TMEM131: variants seen among roughly 807,000 people sequenced by gnomAD.
The protein encoded by TMEM131 is transmembrane protein 131.
Under a neutral mutation model 211.6 loss-of-function variants are expected in TMEM131, and 66 were observed. The observed-to-expected ratio is 0.31, with a 90% CI of 0.26 to 0.38. The LOEUF is 0.38. Among genes scored for constraint, TMEM131 ranks in the 10% least tolerant of loss-of-function variants. TMEM131 has a pLI of 1.00. For synonymous variants in TMEM131, 844 were observed against 841.3 expected (o/e 1.00, Z -0.06); for missense variants, 2,036 against 2,299.3 (o/e 0.89, Z 2.34).
In TMEM131 at chr2:97,796,375, A is replaced by G. The variant is rs201021648; in HGVS notation, c.3043T>C (p.Leu1015=). The part of the protein sequence containing the change: ...SLKLREPNFT[L]KRTFKVENTG... ...TTCTCTACCTTAAATGTTCTTTTCAATGTGAAATTTGGTTCTCTTAGTTTT... is the reference window on the plus strand; with the variant it reads ...TTCTCTACCTTAAATGTTCTTTTCAGTGTGAAATTTGGTTCTCTTAGTTTT... The change falls in exon 28 of 41, where the codon TTG becomes CTG. Residue 1015 remains leucine, a synonymous_variant. Coordinates refer to ENST00000186436, the MANE Select transcript of TMEM131 (RefSeq NM_015348.2). The G allele has an allele frequency of 3.1e-5, 48 of 1,531,320 alleles. No individual in the cohort carries two copies. In the South Asian group the frequency reaches 4.5e-4, roughly 14 times the overall value. 94.9% of individuals were successfully genotyped at this position (1,531,320 alleles called of 1,614,324 possible).
chr2:97,813,708 T>C (rs1681675898), intron 15 of TMEM131, among the ~76,000 whole-genome samples: 1 of 152,206 alleles, frequency 6.6e-6, no homozygotes, highest in African/African-American at 2.4e-5. Flanking sequence ...TACAATAGTT[T>C]AAAAGCATAT....
At chr2:97,946,856 G>A (rs1370105662) in intron 1 of TMEM131, among the ~76,000 whole-genome samples, 1 of 151,410 alleles carries the variant, frequency 6.6e-6, no homozygotes, top group Non-Finnish European at 1.5e-5. Context: ...ATCCATTAAT[G>A]TATAAAAAAG....
chr2:97,887,167 T>G (rs1256743889), intron 4 of TMEM131, among the ~76,000 whole-genome samples: 24 of 152,230 alleles, frequency 1.6e-4, no homozygotes, highest in Non-Finnish European at 1.5e-5. Flanking sequence ...AAGACACAGT[T>G]GCAAGTCTGC....
chr2:97,831,737 T>C (rs1392870746), intron 11 of TMEM131, among the ~76,000 whole-genome samples: 1 of 142,766 alleles, frequency 7.0e-6, no homozygotes. Flanking sequence ...CGGCGTGATC[T>C]TGGCTCACTG....
chr2:97,948,727 G>A (rs755595232), intron 1 of TMEM131, among the ~76,000 whole-genome samples: 35 of 151,398 alleles, frequency 2.3e-4, no homozygotes, highest in Non-Finnish European at 4.4e-4. Flanking sequence ...GTGTGATCTC[G>A]GCTCACTGCA....
chr2:97,812,578 G>A (rs954695802), intron 16 of TMEM131, 23 bp from the exon 17 acceptor site: 1 of 1,596,006 alleles, frequency 6.3e-7, no homozygotes, highest in Non-Finnish European at 8.5e-7. Flanking sequence ...ATATGAAAAT[G>A]ATTATCACAA....
At chr2:97,947,016 T>A (rs1487707514) in intron 1 of TMEM131, among the ~76,000 whole-genome samples, 1 of 151,950 alleles carries the variant, frequency 6.6e-6, no homozygotes, top group South Asian at 2.1e-4. Flanking sequence ...TCATCATCCA[T>A]TCATGGTAAA....
intron 35 of TMEM131, 36 bp from the exon 36 acceptor site, chr2:97,762,236 T>C: frequency 6.2e-7 from 1 of 1,604,482 alleles, no homozygotes. Context: ...GTTAGTGTGG[T>C]GTTTTGATTA....
intron 24 of TMEM131, among the ~76,000 whole-genome samples, chr2:97,802,205 G>T (rs898902147): frequency 3.9e-5 from 6 of 152,126 alleles, no homozygotes; most frequent in Non-Finnish European, 1.5e-5. Flanking sequence ...ATTTTTAGAA[G>T]GGAGTTCCAT....
intron 7 of TMEM131, among the ~76,000 whole-genome samples, chr2:97,838,999 T>C (rs890777159): frequency 6.6e-6 from 1 of 152,056 alleles, no homozygotes; most frequent in African/African-American, 2.4e-5. Flanking sequence ...TCCTTCCAAG[T>C]ATCAAGCAAA....
intron 1 of TMEM131, among the ~76,000 whole-genome samples, chr2:97,955,027 AT>A (rs1168769967): frequency 6.6e-6 from 1 of 152,028 alleles, no homozygotes; most frequent in Non-Finnish European, 1.5e-5. Flanking sequence ...CCATTGCAAA[AT>A]TTTTTTAAAA....
chr2:97,965,909 T>C (rs1479431675), intron 1 of TMEM131, among the ~76,000 whole-genome samples: 1 of 151,950 alleles, frequency 6.6e-6, no homozygotes, highest in Non-Finnish European at 1.5e-5. Flanking sequence ...TCAATTTTCC[T>C]AGGGTGGCTT....
intron 11 of TMEM131, among the ~76,000 whole-genome samples, chr2:97,822,075 G>T (rs1682150586): frequency 6.6e-6 from 1 of 152,174 alleles, no homozygotes; most frequent in South Asian, 2.1e-4. Context: ...ATGCCTGTCA[G>T]ACAAACTTCC....
At chr2:97,926,452 C>T (rs1282838358) in intron 2 of TMEM131, among the ~76,000 whole-genome samples, 2 of 152,082 alleles carry the variant, frequency 1.3e-5, no homozygotes, top group African/African-American at 4.8e-5. Context: ...TTAAAATGAA[C>T]AATTTTACAT....
Position 97,795,035 on chromosome 2 carries a change from A to G in TMEM131, c.3281T>C (p.Ile1094Thr), listed in dbSNP as rs1327878262. The change falls in exon 29 of 41, where the codon ATA becomes ACA. Residue 1094 changes from isoleucine to threonine, a missense_variant. Transcript: ENST00000186436. ...ATGGTAAGGAAGGGATGCATTCAAT[A>G]TAAATACAAACTCAGAGCCACTGGT... Reference protein sequence around the residue: ...ITTSGSEFVFILNASLPYHML... With the variant: ...ITTSGSEFVFTLNASLPYHML... 3 of 1,613,790 alleles carry G rather than the reference A, an allele frequency of 1.9e-6. No individual in the cohort carries two copies. Among genetic ancestry groups the G allele is most frequent in the Admixed American group, 3.3e-5 (2 of 60,004 alleles).
rs898186033 is a variant in TMEM131 at position 97,776,119 on chromosome 2, T to A, written c.4145-101A>T. The stretch of plus-strand genomic sequence containing the variant: ...CCCAGGCTGGAGTGCAGTGGCGAGA[T>A]CTTGGCTCACTGCAAGCTCCGCCTC... On this transcript the variant is annotated intron_variant, in intron 31 of 40. Transcript: ENST00000186436. The A allele has an allele frequency of 4.8e-6, 6 of 1,251,698 alleles. No individual in the cohort carries two copies. The African/African-American group carries it at 9.0e-5, about 19-fold the overall frequency. The allele number at this position is 1,251,698 out of a possible 1,614,324, so 77.5% of individuals were successfully genotyped here.
chr2:97,945,608 T>G (rs1165814041), intron 1 of TMEM131, among the ~76,000 whole-genome samples: 1 of 152,122 alleles, frequency 6.6e-6, no homozygotes, highest in African/African-American at 2.4e-5. Context: ...AGCTTTAAGC[T>G]TATAGTTCTT....
At chr2:97,965,094 A>G (rs1324591346) in intron 1 of TMEM131, among the ~76,000 whole-genome samples, 2 of 151,860 alleles carry the variant, frequency 1.3e-5, no homozygotes, top group African/African-American at 2.4e-5. Flanking sequence ...GGGAAATAAC[A>G]CTCCCTTGAA....
intron 3 of TMEM131, among the ~76,000 whole-genome samples, chr2:97,900,646 G>C (rs1675814899): frequency 6.6e-6 from 1 of 151,834 alleles, no homozygotes; most frequent in Non-Finnish European, 1.5e-5. Context: ...TCCCTGTCTT[G>C]GCTATTGTGA....
Sources: gnomAD v4.1 joint callset for allele counts (sites outside exome capture counted in the v4.1 genomes callset) on GRCh38, gnomAD v4.1.1 for gene constraint, MANE v1.5 for transcripts, NCBI Gene and HGNC (gene_info 2026-07-23, HGNC 2026-07-21) for gene names.